The following GRIK1 variants were observed in gnomAD, a reference collection of about 807,000 sequenced individuals.
The protein encoded by GRIK1 is glutamate ionotropic receptor kainate type subunit 1, also known as glutamate receptor ionotropic, kainate 1.
A neutral mutation model predicts 105.7 loss-of-function variants in GRIK1; 69 were observed. The ratio of observed to expected loss-of-function variants is 0.65; its 90% CI spans 0.54 to 0.80. The LOEUF is 0.80. Ranked by LOEUF, GRIK1 falls within the 30% of genes least tolerant of loss-of-function variation. The pLI is 0.00. For missense variants in GRIK1, 1,109 were observed against 1,167.3 expected (o/e 0.95, Z 0.73); for synonymous variants, 438 against 431.3 (o/e 1.02, Z -0.19).
Position 29,676,349 on chromosome 21 carries a change from G to A in GRIK1, c.545-3185C>T, listed in dbSNP as rs188948231. 1.3e-3 allele frequency among the ~76,000 whole-genome samples: 196 copies of A among 152,270 alleles called. 1 individual carries two copies. Among genetic ancestry groups the A allele is most frequent in the South Asian group, 5.6e-3 (27 of 4,822 alleles). ...TTTTATTTCTCTTCCTGAAGCAATT[G>A]TTTGCTTAAGAAAAGCCTTTCTGCC... On this transcript the variant is annotated intron_variant, in intron 3 of 17. Coordinates refer to ENST00000327783, the MANE Select transcript of GRIK1 (RefSeq NM_001330994.2).
At chr21:29,935,309 G>A (rs2071710236) in intron 1 of GRIK1, among the ~76,000 whole-genome samples, 1 of 152,170 alleles carries the variant, frequency 6.6e-6, no homozygotes, top group Non-Finnish European at 1.5e-5. Context: ...GATTGCAATT[G>A]CCAGAATGCA....
chr21:29,607,209 A>G lies in GRIK1; in HGVS notation c.1099-8272T>C, dbSNP rs369282828. On this transcript the variant is annotated intron_variant, in intron 7 of 17. Transcript: ENST00000327783. The stretch of plus-strand genomic sequence containing the variant: ...AGGTAATCTAACTCTTTGCAGGGTG[A>G]GAGATGACTGAAAACCTGGTTTCTT... Among the ~76,000 whole-genome samples the G allele has an allele frequency of 1.5e-4, 23 of 152,274 alleles. No homozygotes were observed. The East Asian group carries it at 3.3e-3, about 22-fold the overall frequency.
chr21:29,577,367 T>G (rs1414649890), intron 13 of GRIK1, among the ~76,000 whole-genome samples, 186 bp from the exon 14 acceptor site: 2 of 152,248 alleles, frequency 1.3e-5, no homozygotes, highest in African/African-American at 4.8e-5. Flanking sequence ...CATTAATCAC[T>G]ACTATTGCTT....
chr21:29,751,684 T>C (rs960101368), intron 1 of GRIK1, among the ~76,000 whole-genome samples: 1 of 152,196 alleles, frequency 6.6e-6, no homozygotes, highest in Non-Finnish European at 1.5e-5. Context: ...ACCCAGTCAA[T>C]CTGTTACACT....
intron 1 of GRIK1, among the ~76,000 whole-genome samples, chr21:29,782,015 C>T (rs908592232): frequency 9.2e-5 from 14 of 151,948 alleles, no homozygotes; most frequent in African/African-American, 3.4e-4. Flanking sequence ...TGGTTCCATC[C>T]TCTACTCATT....
chr21:29,667,177 C>T (rs1442851862), intron 4 of GRIK1, among the ~76,000 whole-genome samples: 3 of 152,138 alleles, frequency 2.0e-5, no homozygotes, highest in Non-Finnish European at 4.4e-5. Flanking sequence ...GTGTGCCATG[C>T]TTGACTTGAT....
chr21:29,824,589 G>T (rs1471090025), intron 1 of GRIK1, among the ~76,000 whole-genome samples: 1 of 151,922 alleles, frequency 6.6e-6, no homozygotes, highest in East Asian at 1.9e-4. Context: ...TAAACAAAAG[G>T]GTGGGCTTTC....
At chr21:29,900,639 A>T (rs2070364925) in intron 1 of GRIK1, among the ~76,000 whole-genome samples, 2 of 152,142 alleles carry the variant, frequency 1.3e-5, no homozygotes, top group Non-Finnish European at 2.9e-5. Flanking sequence ...TTCATAAAGC[A>T]AGTTCTTAGA....
chr21:29,750,887 G>A (rs1456878669), intron 1 of GRIK1, among the ~76,000 whole-genome samples: 1 of 152,196 alleles, frequency 6.6e-6, no homozygotes, highest in Admixed American at 6.5e-5. Flanking sequence ...GAGCAATAAA[G>A]CTTTTTAATC....
chr21:29,680,799 C>T (rs940145080), intron 3 of GRIK1, among the ~76,000 whole-genome samples: 3 of 152,142 alleles, frequency 2.0e-5, no homozygotes, highest in African/African-American at 4.8e-5. Flanking sequence ...AAGTGCTATA[C>T]AGACAAATAT....
At chr21:29,861,724 G>T in intron 1 of GRIK1, 1 of 426,890 alleles carries the variant, frequency 2.3e-6, no homozygotes, top group South Asian at 1.7e-5. Flanking sequence ...TTGATTATAT[G>T]CATTTTTCTT....
chr21:29,937,140 G>A (rs751776264), intron 1 of GRIK1, among the ~76,000 whole-genome samples: 8 of 152,144 alleles, frequency 5.3e-5, no homozygotes, highest in Non-Finnish European at 7.4e-5. Flanking sequence ...ACCCCTTTTT[G>A]TTAATTTTTT....
At chr21:29,938,445 G>A (rs1335136038) in intron 1 of GRIK1, among the ~76,000 whole-genome samples, 1 of 152,216 alleles carries the variant, frequency 6.6e-6, no homozygotes, top group Non-Finnish European at 1.5e-5. Context: ...TAGTTTAAAA[G>A]GCGAAGAGCT....
At chr21:29,575,991 CTGT>C (rs1364187379) in intron 14 of GRIK1, among the ~76,000 whole-genome samples, 1 of 152,072 alleles carries the variant, frequency 6.6e-6, no homozygotes, top group East Asian at 1.9e-4. Context: ...TTGTTTACAA[CTGT>C]TGTTTTCCTT....
intron 1 of GRIK1, among the ~76,000 whole-genome samples, chr21:29,816,413 A>G (rs924646309): frequency 2.0e-5 from 3 of 152,128 alleles, no homozygotes; most frequent in African/African-American, 4.8e-5. Context: ...TTAAAAATAA[A>G]AATACCACAC....
chr21:29,598,678 T>C, intron 8 of GRIK1, 152 bp downstream of exon 8: 1 of 528,406 alleles, frequency 1.9e-6, no homozygotes, highest in Non-Finnish European at 3.3e-6. Flanking sequence ...AACTTCTATC[T>C]GCAGAAAAAA....
At position 29,587,491 on chromosome 21, in the gene GRIK1, G is replaced by A; in HGVS notation, c.1668C>T (p.Leu556=). The A allele has an allele frequency of 6.2e-7, 1 of 1,612,800 alleles. No individual in the cohort carries two copies. The highest frequency in any genetic ancestry group is 8.5e-7 in the Non-Finnish European group (1 of 1,178,796). ...GATTGGTACCATTGGGCTTCCGGTA[G>A]AGAATGCTGATGCCTAGGGTCATGA... ...KPFMTLGISI[L]YRKPNGTNPG... is the part of the protein sequence containing the mutation. The change falls in exon 12 of 18, where the codon CTC becomes CTT. Residue 556 remains leucine, a synonymous_variant. Transcript: ENST00000327783.
At position 29,656,354 on chromosome 21, in the gene GRIK1, CAAAAAAAAAAAAAAAAAAAA is replaced by C. The variant is rs3054331; in HGVS notation, c.727-1511_727-1492del. ...CCAGCCTGGGGGCCAGAGCGAGACTCAAAAAAAAAAAAAAAAAAAAAAAAAAAAAAAAAAAGAAATGAAGA... is the reference window on the plus strand; with the variant it reads ...CCAGCCTGGGGGCCAGAGCGAGACTCAAAAAAAAAAAAAAAGAAATGAAGA... On this transcript the variant is annotated intron_variant, in intron 4 of 17. Coordinates refer to ENST00000327783, the MANE Select transcript of GRIK1 (RefSeq NM_001330994.2). Among the ~76,000 whole-genome samples the C allele has an allele frequency of 9.6e-4, 49 of 51,180 alleles. 3 individuals are homozygous for C. Among genetic ancestry groups the C allele is most frequent in the Admixed American group, 5.4e-3 (24 of 4,420 alleles). The allele number at this position is 51,180 out of a possible 152,430, so 33.6% of individuals were successfully genotyped here. A position where few individuals can be genotyped will look rare whatever the true frequency, so the allele number is the denominator to read the frequency against.
intron 14 of GRIK1, among the ~76,000 whole-genome samples, chr21:29,573,958 G>A (rs2090822051): frequency 6.6e-6 from 1 of 152,074 alleles, no homozygotes; most frequent in Non-Finnish European, 1.5e-5. Flanking sequence ...AACTTTTTGA[G>A]CACTGACATG....
Sources: gnomAD v4.1 joint callset for allele counts (sites outside exome capture counted in the v4.1 genomes callset) on GRCh38, gnomAD v4.1.1 for gene constraint, MANE v1.5 for transcripts, NCBI Gene and HGNC (gene_info 2026-07-23, HGNC 2026-07-21) for gene names.